Variants in CACNA1C observed in about 807,000 individuals in gnomAD.
CACNA1C encodes calcium voltage-gated channel subunit alpha1 C.
CACNA1C carries 30 observed loss-of-function variants against 229.0 expected under a neutral mutation model. The observed-to-expected ratio is 0.13, with a 90% CI of 0.10 to 0.18. CACNA1C has a LOEUF of 0.18. Ranked by LOEUF, CACNA1C falls within the 10% of genes least tolerant of loss-of-function variation. CACNA1C has a pLI of 1.00. For synonymous variants in CACNA1C, 1,114 were observed against 1,132.5 expected, an observed-to-expected ratio of 0.98 and a Z score of 0.33; for missense variants, 1,658 against 2,845.0, an observed-to-expected ratio of 0.58 and a Z score of 9.49.
intron 3 of CACNA1C, among the ~76,000 whole-genome samples, chr12:2,242,511 T>C (rs2070935036): frequency 6.6e-6 from 1 of 152,228 alleles, no homozygotes; most frequent in Non-Finnish European, 1.5e-5. Flanking sequence ...GGCAAAAATT[T>C]GGATTTTGTA....
At chr12:2,270,264 T>C (rs2084291863) in intron 3 of CACNA1C, among the ~76,000 whole-genome samples, 1 of 152,246 alleles carries the variant, frequency 6.6e-6, no homozygotes, top group Non-Finnish European at 1.5e-5. Flanking sequence ...CTAGTGTGTT[T>C]ACCTTGCAAA....
At chr12:2,413,545 C>T (rs1429599434) in intron 3 of CACNA1C, among the ~76,000 whole-genome samples, 2 of 152,178 alleles carry the variant, frequency 1.3e-5, no homozygotes, top group African/African-American at 2.4e-5. Context: ...TAAAATGCAG[C>T]GACATGCTGT....
At chr12:2,351,134 C>T (rs913157563) in intron 3 of CACNA1C, among the ~76,000 whole-genome samples, 13 of 152,182 alleles carry the variant, frequency 8.5e-5, no homozygotes, top group Admixed American at 3.9e-4. Context: ...ATGGATAATT[C>T]TTTCTTGTCT....
At chr12:2,445,204 A>G (rs896841514) in intron 3 of CACNA1C, among the ~76,000 whole-genome samples, 6 of 152,028 alleles carry the variant, frequency 3.9e-5, no homozygotes, top group Non-Finnish European at 5.9e-5. Context: ...ACAACTCTTC[A>G]TCCTTCGAGA....
rs117693906 is a variant in CACNA1C at position 2,038,214 on chromosome 12, T to C, written c.139+67013T>C. Among the ~76,000 whole-genome samples the C allele has an allele frequency of 9.9e-3, 1,506 of 152,324 alleles. 22 individuals carry two copies. The highest frequency in any genetic ancestry group is 0.011 in the Non-Finnish European group (768 of 68,028). On this transcript the variant is annotated intron_variant, in intron 1 of 46. Transcript: ENST00000682462. ...AGGATTTGCAGGGTTCTTTCTCATA[T>C]GGATATTGCACTCTAAAATAGGGTA...
chr12:2,642,366 T>G (rs2093811201), intron 30 of CACNA1C, among the ~76,000 whole-genome samples: 1 of 152,176 alleles, frequency 6.6e-6, no homozygotes, highest in African/African-American at 2.4e-5. Context: ...CTAGCACACC[T>G]TTTGTTGTGG....
intron 8 of CACNA1C, among the ~76,000 whole-genome samples, chr12:2,511,900 A>G (rs985899391): frequency 6.6e-6 from 1 of 152,234 alleles, no homozygotes; most frequent in Non-Finnish European, 1.5e-5. Context: ...ATTACTTTAA[A>G]TCAAATGCAT....
intron 5 of CACNA1C, among the ~76,000 whole-genome samples, chr12:2,478,087 G>C (rs1388081146): frequency 6.6e-6 from 1 of 152,084 alleles, no homozygotes; most frequent in African/African-American, 2.4e-5. Context: ...GCCACACAAA[G>C]GGCAGAAGAC....
In CACNA1C at chr12:1,979,071, G is replaced by A. The variant is rs151323143; in HGVS notation, c.139+7870G>A. Among the ~76,000 whole-genome samples the A allele has an allele frequency of 3.3e-3, 499 of 152,242 alleles. 2 individuals carry two copies. Among genetic ancestry groups the A allele is most frequent in the African/African-American group, 0.011 (470 of 41,524 alleles). On this transcript the variant is annotated intron_variant, in intron 1 of 46. Transcript: ENST00000682462. ...GTCACCCAGGCTGGAGTGCAATGGCGCGATCTTGGCTCACTGCTGCAACCT... is the reference window on the plus strand; with the variant it reads ...GTCACCCAGGCTGGAGTGCAATGGCACGATCTTGGCTCACTGCTGCAACCT...
chr12:2,634,770 A>G (rs894432356), intron 30 of CACNA1C, among the ~76,000 whole-genome samples: 6 of 151,560 alleles, frequency 4.0e-5, no homozygotes, highest in African/African-American at 7.3e-5. Context: ...TCTGACCTCC[A>G]CCTTCTCCTC....
At chr12:2,449,495 T>G (rs960688400) in intron 4 of CACNA1C, among the ~76,000 whole-genome samples, 1 of 152,254 alleles carries the variant, frequency 6.6e-6, no homozygotes, top group Non-Finnish European at 1.5e-5. Flanking sequence ...CCCACCTGGC[T>G]GTCTCACCAG....
At position 2,597,223 on chromosome 12, in the gene CACNA1C, T is replaced by C; in HGVS notation, c.2794-7T>C. On this transcript the variant is annotated splice_polypyrimidine_tract_variant and splice_region_variant and intron_variant, in intron 20 of 46. Coordinates refer to ENST00000399655, the MANE Select transcript of CACNA1C (RefSeq NM_000719.7). This position sits in a 1 kb window ranked among gnomAD's most constrained non-coding sequence, Gnocchi z 4.3. ...CCATCCCCACCCTGTTCCTTTTTGT[T>C]TTGCAGATTCTGTTTTATTTTGATA... 6.2e-7 allele frequency: 1 copy of C among 1,602,776 alleles called. No homozygotes were observed. Among genetic ancestry groups the C allele is most frequent in the Non-Finnish European group, 8.5e-7 (1 of 1,169,768 alleles).
At chr12:2,185,552 A>G (rs2096971844) in intron 3 of CACNA1C, among the ~76,000 whole-genome samples, 1 of 152,198 alleles carries the variant, frequency 6.6e-6, no homozygotes, top group Non-Finnish European at 1.5e-5. Context: ...GATTTATAAA[A>G]AGAAGAAACT....
intron 30 of CACNA1C, among the ~76,000 whole-genome samples, chr12:2,636,013 C>T (rs532430705): frequency 2.0e-5 from 3 of 152,324 alleles, no homozygotes; most frequent in Non-Finnish European, 4.4e-5. Context: ...CTGGATGAGC[C>T]CCAAGTTGCT....
intron 3 of CACNA1C, among the ~76,000 whole-genome samples, chr12:2,273,397 G>T (rs1223812725): frequency 1.3e-5 from 2 of 152,128 alleles, no homozygotes; most frequent in Non-Finnish European, 2.9e-5. Flanking sequence ...TGTATCAACA[G>T]CTCAAAGTGG....
chr12:2,453,464 C>T (rs911687012), intron 4 of CACNA1C, among the ~76,000 whole-genome samples: 6 of 152,296 alleles, frequency 3.9e-5, no homozygotes, highest in African/African-American at 1.2e-4. Flanking sequence ...TGAAGAAACA[C>T]GACCCAGCGT....
At position 2,403,488 on chromosome 12, in the gene CACNA1C, A is replaced by C. The variant is rs1467309238; in HGVS notation, c.478-45488A>C. ...TGGCCTCACCTCTCACCAGCTCTGCAAGGCCCGGAGCTGCCATCCCAAGGC... is the reference window on the plus strand; with the variant it reads ...TGGCCTCACCTCTCACCAGCTCTGCCAGGCCCGGAGCTGCCATCCCAAGGC... On this transcript the variant is annotated intron_variant, in intron 3 of 46. Transcript: ENST00000399655. The surrounding 1 kb of genome is among the most constrained non-coding windows in gnomAD (Gnocchi z 4.1). Among the ~76,000 whole-genome samples the C allele has an allele frequency of 1.3e-5, 2 of 152,072 alleles. No homozygotes were observed. Among genetic ancestry groups the C allele is most frequent in the Non-Finnish European group, 2.9e-5 (2 of 68,028 alleles).
At chr12:2,353,273 G>C (rs912743902) in intron 3 of CACNA1C, among the ~76,000 whole-genome samples, 1 of 152,150 alleles carries the variant, frequency 6.6e-6, no homozygotes, top group Admixed American at 6.5e-5. Flanking sequence ...CACCCACCCT[G>C]CAAGTCTCCA....
chr12:2,607,273 A>T (rs1427975739), intron 26 of CACNA1C, 143 bp downstream of exon 26: 4 of 773,750 alleles, frequency 5.2e-6, no homozygotes, highest in African/African-American at 1.8e-5. Context: ...AGTGAGGTGT[A>T]TTTCTAGAAC....
Sources: gnomAD v4.1 joint callset for allele counts (sites outside exome capture counted in the v4.1 genomes callset) on GRCh38, gnomAD v4.1.1 for gene constraint, Gnocchi (gnomAD v3.1) non-coding constraint, MANE v1.5 for transcripts, NCBI Gene and HGNC (gene_info 2026-07-23, HGNC 2026-07-21) for gene names.